Variants in ENOSF1 observed in about 807,000 individuals in gnomAD.
ENOSF1 encodes the protein enolase superfamily member 1, also known as mitochondrial enolase superfamily member 1.
ENOSF1 carries 73 observed loss-of-function variants against 68.2 expected under a neutral mutation model. The observed-to-expected ratio is 1.07, with a 90% CI of 0.89 to 1.30. ENOSF1 has a LOEUF of 1.30. Ranked by LOEUF, ENOSF1 falls within the 50% of genes most tolerant of loss-of-function variation. The probability of loss-of-function intolerance (pLI) is 0.00; values close to 1 mark genes in which losing one functional copy is unlikely to be tolerated. For synonymous variants in ENOSF1, 223 were observed against 210.4 expected (o/e 1.06, Z -0.52); for missense variants, 589 against 554.5 (o/e 1.06, Z -0.62).
At chr18:709,362 GCA>G (rs1232529933) in intron 1 of ENOSF1, among the ~76,000 whole-genome samples, 4 of 152,156 alleles carry the variant, frequency 2.6e-5, no homozygotes, top group African/African-American at 9.7e-5. Flanking sequence ...AGGGGAGAGA[GCA>G]CACGAAGAAG....
At chr18:697,854 C>T (rs1443386342) in intron 2 of ENOSF1, among the ~76,000 whole-genome samples, 1 of 152,162 alleles carries the variant, frequency 6.6e-6, no homozygotes, top group East Asian at 1.9e-4. Flanking sequence ...AGTGCAGTGG[C>T]ACTATCACGG....
chr18:689,949 T>C (rs1568070239), intron 8 of ENOSF1, among the ~76,000 whole-genome samples: 2 of 152,000 alleles, frequency 1.3e-5, no homozygotes, highest in African/African-American at 4.8e-5. Context: ...ATGAATCACA[T>C]CTAAATACTG....
intron 1 of ENOSF1, among the ~76,000 whole-genome samples, chr18:707,328 G>A (rs1191149437): frequency 6.6e-6 from 1 of 152,148 alleles, no homozygotes; most frequent in Non-Finnish European, 1.5e-5. Flanking sequence ...CCCGGAAGGG[G>A]CTCAATTTTA....
intron 1 of ENOSF1, chr18:712,282 G>A: frequency 1.3e-6 from 2 of 1,530,124 alleles, no homozygotes; most frequent in Admixed American, 2.0e-5. Flanking sequence ...CAATGGGTTC[G>A]AAGTCGGGAA....
downstream of ENOSF1, among the ~76,000 whole-genome samples, chr18:665,935 C>G (rs1456303075): frequency 3.1e-5 from 3 of 97,268 alleles, no homozygotes; most frequent in Non-Finnish European, 5.7e-5. Flanking sequence ...TTACTTCCAA[C>G]TATGTGGTCA....
At chr18:667,412 T>A (rs796899991), downstream of ENOSF1, among the ~76,000 whole-genome samples, 20 of 3,760 alleles carry the variant, frequency 5.3e-3, 1 homozygote, top group East Asian at 0.024. Flanking sequence ...ATGGTGATGG[T>A]GATGGTGATG....
intron 1 of ENOSF1, among the ~76,000 whole-genome samples, chr18:709,684 T>A (rs114706780): frequency 6.6e-6 from 1 of 151,816 alleles, no homozygotes; most frequent in Non-Finnish European, 1.5e-5. Context: ...GGTACGAGAA[T>A]CATTTGCATA....
At chr18:688,965 A>G (rs2076894615) in intron 8 of ENOSF1, among the ~76,000 whole-genome samples, 3 of 152,184 alleles carry the variant, frequency 2.0e-5, no homozygotes, top group Non-Finnish European at 4.4e-5. Flanking sequence ...TCCACTCTCT[A>G]GAAGTGGGCA....
chr18:705,987 C>G (rs1419925446), intron 2 of ENOSF1, among the ~76,000 whole-genome samples: 1 of 151,776 alleles, frequency 6.6e-6, no homozygotes, highest in African/African-American at 2.4e-5. Context: ...CCAGCCTGGG[C>G]GACAGAGTGA....
rs114137786 is a variant in ENOSF1, at chr18:706,348, A to T, written c.193+122T>A. ...TTTTTACTCACTTTGAGCAGTGTAAATACAGATAAAAACAAGATCAGAACT... is the reference window on the plus strand; with the variant it reads ...TTTTTACTCACTTTGAGCAGTGTAATTACAGATAAAAACAAGATCAGAACT... On this transcript the variant is annotated intron_variant, in intron 2 of 15. Coordinates refer to ENST00000647584, the MANE Select transcript of ENOSF1 (RefSeq NM_017512.7). The T allele has an allele frequency of 7.6e-4, 540 of 708,600 alleles. 1 individual carries two copies. The African/African-American group carries it at 8.7e-3, about 11-fold the overall frequency. The allele number at this position is 708,600 out of a possible 1,614,324, so 43.9% of individuals were successfully genotyped here.
Position 671,668 on chromosome 18 carries a change from C to T in ENOSF1, c.*2637G>A, listed in dbSNP as rs937720678. 1.0e-5 allele frequency: 6 copies of T among 572,730 alleles called. No homozygotes were observed. The highest frequency in any genetic ancestry group is 1.5e-5 in the Non-Finnish European group (5 of 328,568). 35.5% of individuals were successfully genotyped at this position (572,730 alleles called of 1,614,324 possible). A position where few individuals can be genotyped will look rare whatever the true frequency, so the allele number is the denominator to read the frequency against. ...TTAACATGTCAGGTGCTGTGAGGTA[C>T]TAAGCACCAGTACCAGAGAGGGAAG... On this transcript the variant is annotated 3_prime_UTR_variant, in exon 16 of 16. Coordinates refer to ENST00000647584, the MANE Select transcript of ENOSF1 (RefSeq NM_017512.7).
intron 11 of ENOSF1, among the ~76,000 whole-genome samples, chr18:682,134 T>A (rs961620153): frequency 4.6e-5 from 7 of 152,164 alleles, no homozygotes; most frequent in African/African-American, 1.7e-4. Context: ...ATAAGCCACA[T>A]GAATGTACAG....
downstream of ENOSF1, among the ~76,000 whole-genome samples, chr18:670,114 G>A (rs564693080): frequency 8.7e-5 from 13 of 149,492 alleles, 1 homozygote; most frequent in South Asian, 1.1e-3. Flanking sequence ...TGTGATCTCC[G>A]CTCACGGCAA....
At position 671,272 on chromosome 18, in the gene ENOSF1, ATTTT is replaced by A; in HGVS notation, c.*3029_*3032del. 1 of 809,632 alleles carries A rather than the reference ATTTT, an allele frequency of 1.2e-6. No individual in the cohort carries two copies. Among genetic ancestry groups the A allele is most frequent in the East Asian group, 2.4e-5 (1 of 40,958 alleles). 50.2% of individuals were successfully genotyped at this position (809,632 alleles called of 1,614,324 possible). ...AAAAATGGAAAAGCTACACTAAATT[ATTTT>A]TTTAAAAAAAGCCTTGCGGTGTCTG... On this transcript the variant is annotated 3_prime_UTR_variant, in exon 16 of 16. Coordinates refer to ENST00000647584, the MANE Select transcript of ENOSF1 (RefSeq NM_017512.7).
chr18:666,431 C>G (rs1158702580), downstream of ENOSF1, among the ~76,000 whole-genome samples: 1 of 152,186 alleles, frequency 6.6e-6, no homozygotes, highest in African/African-American at 2.4e-5. Flanking sequence ...ACATCTCACT[C>G]CTGGACTTCC....
intron 11 of ENOSF1, 94 bp downstream of exon 11, chr18:683,152 G>A (rs892329379): frequency 3.3e-5 from 49 of 1,465,470 alleles, no homozygotes; most frequent in South Asian, 6.5e-5. Flanking sequence ...AATGCAAGAG[G>A]GAACAAGTGA....
rs1209886525 is a variant in ENOSF1, at chr18:685,943, A to G, written c.719T>C (p.Met240Thr). 1 of 1,614,014 alleles carries G rather than the reference A, an allele frequency of 6.2e-7. No individual in the cohort carries two copies. The highest frequency in any genetic ancestry group is 2.2e-5 in the East Asian group (1 of 44,840). Residue 240 changes from methionine to threonine, a missense_variant, in exon 10 of 16, where the codon ATG (methionine) becomes ACG (threonine). Physicochemically the swap from Met to Thr is moderately conservative, Grantham distance 81. Coordinates refer to ENST00000647584, the MANE Select transcript of ENOSF1 (RefSeq NM_017512.7). The stretch of plus-strand genomic sequence containing the variant: ...TACCAAAGTCTTTTCCGGTCCAATC[A>G]TGTCTCGGATGATTTGGCATCTTCG... ...DMRRCQIIRD[M>T]IGPEKTLMMD... is the part of the protein sequence containing the mutation.
intron 11 of ENOSF1, chr18:683,040 A>T: frequency 1.7e-6 from 1 of 585,658 alleles, no homozygotes; most frequent in Non-Finnish European, 2.8e-6. Context: ...TAAAACAAAC[A>T]GAAATAAGGG....
At chr18:711,702 A>G (rs1176082607) in intron 1 of ENOSF1, among the ~76,000 whole-genome samples, 2 of 152,202 alleles carry the variant, frequency 1.3e-5, no homozygotes, top group Non-Finnish European at 2.9e-5. Flanking sequence ...AAGACCTTCA[A>G]TATTTAGGTA....
Sources: allele counts gnomAD v4.1 joint callset (sites outside exome capture counted in the v4.1 genomes callset), GRCh38; gene constraint gnomAD v4.1.1; transcripts MANE v1.5; gene names NCBI Gene and HGNC (gene_info 2026-07-23, HGNC 2026-07-21).